The following NCK1 variants were observed in gnomAD, a reference collection of about 807,000 sequenced individuals.
NCK1 encodes the protein SH2/SH3 adapter protein NCK1.
Under a neutral mutation model 36.6 loss-of-function variants are expected in NCK1, and 19 were observed. The ratio of observed to expected loss-of-function variants is 0.52; its 90% confidence interval spans 0.36 to 0.76. NCK1 has a LOEUF of 0.76. Ranked by LOEUF, NCK1 falls within the 30% of genes least tolerant of loss-of-function variation. NCK1 has a pLI of 0.00. For missense variants in NCK1, 358 were observed against 445.6 expected, an observed-to-expected ratio of 0.80 and a Z score of 1.77; for synonymous variants, 165 against 156.0, an observed-to-expected ratio of 1.06 and a Z score of -0.43.
intron 2 of NCK1, among the ~76,000 whole-genome samples, chr3:136,930,005 A>G (rs1308387657): frequency 1.3e-5 from 2 of 152,322 alleles, no homozygotes; most frequent in East Asian, 3.9e-4. Context: ...TTACTGTATT[A>G]CAGTTATTGC....
intron 1 of NCK1, among the ~76,000 whole-genome samples, chr3:136,926,344 G>T (rs915197343): frequency 2.6e-5 from 4 of 151,362 alleles, no homozygotes; most frequent in African/African-American, 7.3e-5. Context: ...GCGCGATCTC[G>T]GCTCACTGCA....
chr3:136,932,630 C>A (rs571349802), intron 2 of NCK1, among the ~76,000 whole-genome samples: 1 of 152,258 alleles, frequency 6.6e-6, no homozygotes, highest in Non-Finnish European at 1.5e-5. Flanking sequence ...ATGTGGCCTG[C>A]AAAATATAAC....
chr3:136,896,006 G>GT (rs1939382323), intron 1 of NCK1, among the ~76,000 whole-genome samples: 1 of 151,392 alleles, frequency 6.6e-6, no homozygotes, highest in South Asian at 2.1e-4. Context: ...CCTGTTTTTT[G>GT]TTTTTTATTG....
intron 1 of NCK1, among the ~76,000 whole-genome samples, chr3:136,866,463 A>G (rs1938414727): frequency 2.6e-5 from 4 of 151,556 alleles, no homozygotes; most frequent in African/African-American, 4.9e-5. Context: ...ATGCGCCACC[A>G]TGCCTGGCTA....
intron 1 of NCK1, among the ~76,000 whole-genome samples, chr3:136,867,182 T>G (rs1202425861): frequency 1.3e-5 from 1 of 75,064 alleles, no homozygotes; most frequent in African/African-American, 3.2e-5. Context: ...CCTTCCTTCT[T>G]TCTTTCTTTT....
intron 1 of NCK1, among the ~76,000 whole-genome samples, chr3:136,894,112 A>G (rs1939330862): frequency 6.6e-6 from 1 of 152,132 alleles, no homozygotes; most frequent in Non-Finnish European, 1.5e-5. Flanking sequence ...CTGCTAGTAT[A>G]TTTATTCCTT....
chr3:136,881,832 C>T (rs1012655064), intron 1 of NCK1, among the ~76,000 whole-genome samples: 5 of 152,170 alleles, frequency 3.3e-5, no homozygotes, highest in South Asian at 2.1e-4. Context: ...AAGGTTCATC[C>T]GTTTTGTAGC....
intron 1 of NCK1, among the ~76,000 whole-genome samples, chr3:136,870,517 T>A (rs1938582252): frequency 6.6e-6 from 1 of 152,108 alleles, no homozygotes; most frequent in Non-Finnish European, 1.5e-5. Context: ...CTGGGCAGTT[T>A]TTTTTGGAAA....
chr3:136,946,143 C>A lies in NCK1; in HGVS notation c.787C>A (p.Pro263Thr). The A allele has an allele frequency of 1.2e-6, 2 of 1,613,700 alleles. No individual in the cohort carries two copies. Among genetic ancestry groups the A allele is most frequent in the Non-Finnish European group, 1.7e-6 (2 of 1,179,916 alleles). Residue 263 changes from proline to threonine, a missense_variant, in exon 3 of 4, where the codon CCT becomes ACT. Transcript: ENST00000481752. ...NPLTSGLEPS[P>T]PQCDYIRPSL... ...ATTAACTTCAGGTTTGGAACCATCA[C>A]CTCCACAGTGTGATTACATTAGGCC...
intron 2 of NCK1, among the ~76,000 whole-genome samples, chr3:136,942,401 T>C (rs1940701823): frequency 6.6e-6 from 1 of 152,220 alleles, no homozygotes; most frequent in African/African-American, 2.4e-5. Context: ...TTCCTGGTCA[T>C]GTGGGGCCGC....
At chr3:136,904,658 A>G (rs2108104270) in intron 1 of NCK1, among the ~76,000 whole-genome samples, 1 of 152,302 alleles carries the variant, frequency 6.6e-6, no homozygotes. Context: ...ATTTACTGAG[A>G]GATCCCTGAA....
intron 1 of NCK1, among the ~76,000 whole-genome samples, chr3:136,901,207 T>C (rs1361378087): frequency 6.6e-6 from 1 of 152,146 alleles, no homozygotes; most frequent in Non-Finnish European, 1.5e-5. Flanking sequence ...ATGAATCATA[T>C]TTGTTGATTT....
chr3:136,935,884 C>G lies in NCK1; in HGVS notation c.226+7657C>G, dbSNP rs192828628. On this transcript the variant is annotated intron_variant, in intron 2 of 3. Transcript: ENST00000481752. ...TGGCAATTACTAATCTGCTTTCTGTCTCTATGGATTTACCTATTCTGGATA... is the reference window on the plus strand; with the variant it reads ...TGGCAATTACTAATCTGCTTTCTGTGTCTATGGATTTACCTATTCTGGATA... 1.3e-4 allele frequency among the ~76,000 whole-genome samples: 20 copies of G among 152,198 alleles called. No homozygotes were observed. The East Asian group carries it at 3.9e-3, about 29-fold the overall frequency.
intron 1 of NCK1, among the ~76,000 whole-genome samples, chr3:136,921,381 A>G (rs1205086265): frequency 1.3e-5 from 2 of 152,222 alleles, no homozygotes; most frequent in East Asian, 3.8e-4. Context: ...CATAGGATCT[A>G]GGAAGCGGAG....
intron 1 of NCK1, among the ~76,000 whole-genome samples, chr3:136,897,605 T>A (rs1939423334): frequency 6.6e-6 from 1 of 152,184 alleles, no homozygotes; most frequent in African/African-American, 2.4e-5. Context: ...TTGTTTGAGT[T>A]CCTTGTATAT....
chr3:136,896,987 G>A (rs1174967325), intron 1 of NCK1, among the ~76,000 whole-genome samples: 1 of 152,044 alleles, frequency 6.6e-6, no homozygotes, highest in East Asian at 1.9e-4. Context: ...AATTTTTGTA[G>A]GTTTCCAAAA....
chr3:136,940,934 T>C (rs1940655569), intron 2 of NCK1, among the ~76,000 whole-genome samples: 1 of 152,154 alleles, frequency 6.6e-6, no homozygotes, highest in Non-Finnish European at 1.5e-5. Flanking sequence ...TTCAAACCTA[T>C]TTGCATCTTT....
intron 1 of NCK1, among the ~76,000 whole-genome samples, chr3:136,872,201 A>C (rs748174332): frequency 1.2e-4 from 19 of 152,214 alleles, no homozygotes; most frequent in Non-Finnish European, 2.8e-4. Flanking sequence ...TTTGCCCAAA[A>C]TGCTGATTGC....
intron 1 of NCK1, among the ~76,000 whole-genome samples, chr3:136,900,832 A>G (rs1041017961): frequency 3.3e-5 from 5 of 152,176 alleles, no homozygotes; most frequent in Non-Finnish European, 7.3e-5. Flanking sequence ...GTTTCTCTAG[A>G]TATAAAATCA....
Sources: gnomAD v4.1 joint callset for allele counts (sites outside exome capture counted in the v4.1 genomes callset) on GRCh38, gnomAD v4.1.1 for gene constraint, MANE v1.5 for transcripts, NCBI Gene and HGNC (gene_info 2026-07-23, HGNC 2026-07-21) for gene names.